Variants in MEMO1 observed in about 807,000 individuals in gnomAD.
MEMO1 encodes the protein protein MEMO1.
A neutral mutation model predicts 45.2 loss-of-function variants in MEMO1; 6 were observed. That is an observed-to-expected ratio of 0.13 (90% CI 0.07 to 0.26). The LOEUF is 0.26. MEMO1 is among the 10% of genes least tolerant of loss of function. The probability of loss-of-function intolerance (pLI) is 1.00; values close to 1 mark genes in which losing one functional copy is unlikely to be tolerated. For missense variants in MEMO1, 184 were observed against 370.5 expected (o/e 0.50, Z 4.13); for synonymous variants, 78 against 124.3 (o/e 0.63, Z 2.48).
chr2:31,918,081 T>C (rs377353474), intron 5 of MEMO1, 44 bp from the exon 6 acceptor site: 6 of 1,358,746 alleles, frequency 4.4e-6, no homozygotes, highest in Non-Finnish European at 6.0e-6. Flanking sequence ...TATTAATGTA[T>C]ATCCTTATCC....
At chr2:31,891,382 T>G (rs1003360699) in intron 7 of MEMO1, among the ~76,000 whole-genome samples, 2 of 152,148 alleles carry the variant, frequency 1.3e-5, no homozygotes, top group African/African-American at 2.4e-5. Context: ...TCTTACAACG[T>G]ACTCACTGTG....
intron 2 of MEMO1, among the ~76,000 whole-genome samples, chr2:31,967,132 T>A (rs1668724874): frequency 6.6e-6 from 1 of 151,570 alleles, no homozygotes. Flanking sequence ...TTATTTTTTT[T>A]TTTTTTTTGG....
chr2:31,949,763 T>A (rs898098402), intron 2 of MEMO1, among the ~76,000 whole-genome samples: 1 of 152,042 alleles, frequency 6.6e-6, no homozygotes, highest in African/African-American at 2.4e-5. Flanking sequence ...TATGATTGGA[T>A]TCTTTGTAAC....
chr2:31,974,923 C>T (rs1027899689), intron 2 of MEMO1, among the ~76,000 whole-genome samples: 2 of 152,064 alleles, frequency 1.3e-5, no homozygotes, highest in Non-Finnish European at 2.9e-5. Flanking sequence ...GTAATCCCTG[C>T]ACTTTGAGAG....
chr2:31,944,856 T>A (rs570620206), intron 2 of MEMO1, among the ~76,000 whole-genome samples: 1 of 152,162 alleles, frequency 6.6e-6, no homozygotes, highest in African/African-American at 2.4e-5. Context: ...TCATTAAATA[T>A]TTAAACATTA....
At chr2:31,993,564 G>A (rs2148557273) in intron 2 of MEMO1, among the ~76,000 whole-genome samples, 1 of 152,334 alleles carries the variant, frequency 6.6e-6, no homozygotes, top group East Asian at 1.9e-4. Flanking sequence ...GAATTCTGGA[G>A]AAGAGGAAGC....
At chr2:31,949,429 G>C (rs1043659041) in intron 2 of MEMO1, among the ~76,000 whole-genome samples, 1 of 152,042 alleles carries the variant, frequency 6.6e-6, no homozygotes, top group African/African-American at 2.4e-5. Context: ...AAAAGAATGA[G>C]ATCCAGTCAT....
At chr2:32,005,128 C>G (rs981267623) in intron 2 of MEMO1, among the ~76,000 whole-genome samples, 1 of 151,968 alleles carries the variant, frequency 6.6e-6, no homozygotes, top group Non-Finnish European at 1.5e-5. Flanking sequence ...TACAATACAA[C>G]ATGTATTAAT....
At chr2:31,922,414 G>A (rs1402635996) in intron 4 of MEMO1, among the ~76,000 whole-genome samples, 4 of 151,218 alleles carry the variant, frequency 2.6e-5, no homozygotes, top group South Asian at 2.1e-4. Context: ...CCTTAAGACA[G>A]CACATACAGC....
At chr2:31,960,525 A>G (rs1667894145) in intron 2 of MEMO1, among the ~76,000 whole-genome samples, 1 of 152,236 alleles carries the variant, frequency 6.6e-6, no homozygotes, top group Non-Finnish European at 1.5e-5. Context: ...TAATTACAAT[A>G]AATTAAGATA....
intron 2 of MEMO1, among the ~76,000 whole-genome samples, chr2:31,990,794 T>C (rs992597614): frequency 6.6e-6 from 1 of 152,106 alleles, no homozygotes; most frequent in East Asian, 1.9e-4. Context: ...AAAAACTCTT[T>C]AGGGCTATCA....
chr2:32,009,153 A>G (rs1674476758), intron 2 of MEMO1, among the ~76,000 whole-genome samples: 1 of 152,238 alleles, frequency 6.6e-6, no homozygotes, highest in Non-Finnish European at 1.5e-5. Context: ...ACACTTTCAC[A>G]TAAAGAAGTC....
chr2:31,990,452 T>C (rs1369127681), intron 2 of MEMO1, among the ~76,000 whole-genome samples: 1 of 152,090 alleles, frequency 6.6e-6, no homozygotes, highest in East Asian at 1.9e-4. Context: ...TGGGGTGTTT[T>C]TGGTTTTTTC....
chr2:31,947,804 A>C (rs1056915597), intron 2 of MEMO1, among the ~76,000 whole-genome samples: 2 of 152,198 alleles, frequency 1.3e-5, no homozygotes, highest in Non-Finnish European at 2.9e-5. Flanking sequence ...ACAAAACCAG[A>C]CACTAAATAC....
chr2:31,923,744 A>T, intron 4 of MEMO1: 1 of 1,533,186 alleles, frequency 6.5e-7, no homozygotes, highest in Non-Finnish European at 8.8e-7. Context: ...TCTGAAACAC[A>T]CAGTCAAAAT....
intron 2 of MEMO1, among the ~76,000 whole-genome samples, chr2:31,998,454 T>G (rs952691638): frequency 6.6e-6 from 1 of 152,124 alleles, no homozygotes; most frequent in Non-Finnish European, 1.5e-5. Context: ...CTGAACCTCT[T>G]TTGTCTAACT....
At chr2:31,938,900 T>C (rs1665272020) in intron 3 of MEMO1, among the ~76,000 whole-genome samples, 1 of 150,920 alleles carries the variant, frequency 6.6e-6, no homozygotes, top group Non-Finnish European at 1.5e-5. Flanking sequence ...GATCCTCTCA[T>C]CTCAGCTTCT....
rs564953712 is a variant in MEMO1, at chr2:31,909,245, T to C, written c.437+8681A>G. On this transcript the variant is annotated intron_variant, in intron 6 of 9. Transcript: ENST00000404530. ...TCACCACTTCAATTCAACATAGTAC[T>C]GGAAGACCTAGCCAGAACAATTAGT... Among the ~76,000 whole-genome samples the C allele has an allele frequency of 2.0e-5, 3 of 152,328 alleles. No homozygotes were observed. In the East Asian group the frequency reaches 5.8e-4, roughly 29 times the overall value.
chr2:32,010,569 A>C (rs1286883300), intron 1 of MEMO1: 1 of 192,904 alleles, frequency 5.2e-6, no homozygotes, highest in Non-Finnish European at 1.1e-5. Context: ...GCTGCTGCCC[A>C]GCCGGGGCTG....
Sources: allele counts gnomAD v4.1 joint callset (sites outside exome capture counted in the v4.1 genomes callset), GRCh38; gene constraint gnomAD v4.1.1; transcripts MANE v1.5; gene names NCBI Gene and HGNC (gene_info 2026-07-23, HGNC 2026-07-21).